The following FRMD4A variants were observed in gnomAD, a reference collection of about 807,000 sequenced individuals.
FRMD4A encodes FERM domain containing 4A.
Under a neutral mutation model 129.1 loss-of-function variants are expected in FRMD4A, and 29 were observed. The ratio of observed to expected loss-of-function variants is 0.22; its 90% CI spans 0.17 to 0.31. FRMD4A has a LOEUF of 0.31. Ranked by LOEUF, FRMD4A falls within the 10% of genes least tolerant of loss-of-function variation. The probability of loss-of-function intolerance (pLI) is 1.00; values close to 1 mark genes in which losing one functional copy is unlikely to be tolerated. For synonymous variants in FRMD4A, 634 were observed against 571.6 expected, an observed-to-expected ratio of 1.11 and a Z score of -1.56; for missense variants, 1,272 against 1,375.8, an observed-to-expected ratio of 0.92 and a Z score of 1.19.
intron 5 of FRMD4A, among the ~76,000 whole-genome samples, chr10:13,785,269 T>C (rs1280725897): frequency 6.6e-6 from 1 of 152,256 alleles, no homozygotes; most frequent in African/African-American, 2.4e-5. Context: ...AATCCACAGA[T>C]ATCATTAGTA....
chr10:13,769,240 C>T (rs1412218815), intron 6 of FRMD4A, among the ~76,000 whole-genome samples: 9 of 139,332 alleles, frequency 6.5e-5, no homozygotes, highest in Non-Finnish European at 9.2e-5. Context: ...TGTGTGTGTG[C>T]GTATGTGTGT....
intron 2 of FRMD4A, among the ~76,000 whole-genome samples, chr10:14,233,154 A>G (rs1227021458): frequency 6.6e-6 from 1 of 152,260 alleles, no homozygotes; most frequent in Non-Finnish European, 1.5e-5. Context: ...TACCTGACAC[A>G]GTGTAAGCAG....
At chr10:14,105,258 A>T (rs1366413979) in intron 2 of FRMD4A, among the ~76,000 whole-genome samples, 1 of 152,178 alleles carries the variant, frequency 6.6e-6, no homozygotes, top group African/African-American at 2.4e-5. Context: ...CAATAAGTTT[A>T]AGCAATAAAA....
At chr10:13,758,682 T>A (rs2091953553) in intron 8 of FRMD4A, among the ~76,000 whole-genome samples, 1 of 152,146 alleles carries the variant, frequency 6.6e-6, no homozygotes, top group Admixed American at 6.5e-5. Flanking sequence ...ACCCTCTCTT[T>A]TTTTGCTGAG....
rs79876489 is a variant in FRMD4A at position 13,756,878 on chromosome 10, G to T, written c.464+4769C>A. The stretch of plus-strand genomic sequence containing the variant: ...ATGAGACTTCTGTTAAATTAAATTA[G>T]AATATAACTAGAAAATTGGACGTCC... On this transcript the variant is annotated intron_variant, in intron 8 of 24. Transcript: ENST00000357447. Among the ~76,000 whole-genome samples, 544 of 152,256 alleles carry T rather than the reference G, an allele frequency of 3.6e-3. 2 individuals are homozygous for T. The highest frequency in any genetic ancestry group is 0.011 in the African/African-American group (476 of 41,552).
intron 5 of FRMD4A, among the ~76,000 whole-genome samples, chr10:13,795,742 G>A (rs908407385): frequency 2.0e-5 from 3 of 152,142 alleles, no homozygotes; most frequent in Non-Finnish European, 2.9e-5. Context: ...CGGAGCTGCT[G>A]GACTGGGGGC....
intron 12 of FRMD4A, among the ~76,000 whole-genome samples, chr10:13,721,410 A>G (rs2089394684): frequency 6.6e-6 from 1 of 152,170 alleles, no homozygotes; most frequent in Non-Finnish European, 1.5e-5. Context: ...GGAATCCAGG[A>G]GGCAGAGGTT....
chr10:13,752,125 G>C (rs996056691), intron 8 of FRMD4A, among the ~76,000 whole-genome samples: 2 of 152,212 alleles, frequency 1.3e-5, no homozygotes, highest in African/African-American at 4.8e-5. Context: ...ATATGAATCA[G>C]TTTTTATTAA....
At chr10:14,227,531 T>C (rs1012591179) in intron 2 of FRMD4A, among the ~76,000 whole-genome samples, 3 of 152,082 alleles carry the variant, frequency 2.0e-5, no homozygotes, top group Non-Finnish European at 2.9e-5. Context: ...GGATTACAGA[T>C]GTGAGCCAGG....
chr10:14,251,151 A>G (rs1844425943), intron 2 of FRMD4A, among the ~76,000 whole-genome samples: 1 of 152,172 alleles, frequency 6.6e-6, no homozygotes, highest in African/African-American at 2.4e-5. Context: ...CCTCTCTTTC[A>G]AAGTGGGATA....
intron 2 of FRMD4A, among the ~76,000 whole-genome samples, chr10:14,144,728 G>A (rs550001754): frequency 6.6e-6 from 1 of 152,200 alleles, no homozygotes; most frequent in South Asian, 2.1e-4. Context: ...CAAGAGACAC[G>A]GTGATTTCCC....
chr10:14,223,978 T>C (rs1158123485), intron 2 of FRMD4A, among the ~76,000 whole-genome samples: 3 of 152,042 alleles, frequency 2.0e-5, no homozygotes, highest in African/African-American at 7.2e-5. Context: ...CTAATATGGA[T>C]CATCTGCATC....
At chr10:14,268,337 C>T (rs1277947970) in intron 2 of FRMD4A, among the ~76,000 whole-genome samples, 1 of 152,196 alleles carries the variant, frequency 6.6e-6, no homozygotes, top group Non-Finnish European at 1.5e-5. Context: ...GTGCCATCCA[C>T]AACAATGCCC....
chr10:14,084,601 A>G (rs1454082866), intron 2 of FRMD4A, among the ~76,000 whole-genome samples: 5 of 152,178 alleles, frequency 3.3e-5, no homozygotes, highest in Non-Finnish European at 7.4e-5. Context: ...ACTTGCTCAT[A>G]AGCACACTTT....
intron 2 of FRMD4A, among the ~76,000 whole-genome samples, chr10:13,993,335 C>A (rs2095610224): frequency 6.6e-6 from 1 of 152,178 alleles, no homozygotes; most frequent in African/African-American, 2.4e-5. Context: ...CATTCAAGTT[C>A]TTGCTCAAGG....
intron 2 of FRMD4A, among the ~76,000 whole-genome samples, chr10:14,273,162 T>C (rs574291889): frequency 6.6e-6 from 1 of 151,396 alleles, no homozygotes; most frequent in East Asian, 1.9e-4. Flanking sequence ...GAAGCTAAGG[T>C]GGGAGGATTG....
intron 11 of FRMD4A, among the ~76,000 whole-genome samples, chr10:13,739,801 A>C (rs1045756271): frequency 1.3e-5 from 2 of 152,142 alleles, no homozygotes; most frequent in African/African-American, 4.8e-5. Context: ...AGGAATTATA[A>C]AGAAAAAAAC....
At chr10:14,317,089 A>G (rs1846769172) in intron 2 of FRMD4A, among the ~76,000 whole-genome samples, 1 of 152,032 alleles carries the variant, frequency 6.6e-6, no homozygotes, top group African/African-American at 2.4e-5. Context: ...TCTTCTTTCA[A>G]TTTATTCTCC....
chr10:13,967,065 C>A (rs1459809543), intron 2 of FRMD4A, among the ~76,000 whole-genome samples: 3 of 152,196 alleles, frequency 2.0e-5, no homozygotes, highest in Non-Finnish European at 2.9e-5. Flanking sequence ...GGGCCGGGCG[C>A]GGTGGCTCAC....
Sources: allele counts gnomAD v4.1 joint callset (sites outside exome capture counted in the v4.1 genomes callset), GRCh38; gene constraint gnomAD v4.1.1; transcripts MANE v1.5; gene names NCBI Gene and HGNC (gene_info 2026-07-23, HGNC 2026-07-21).